Variants in MACROD1 observed in about 807,000 individuals in gnomAD.
MACROD1 encodes the protein ADP-ribose glycohydrolase MACROD1.
Under a neutral mutation model 41.4 loss-of-function variants are expected in MACROD1, and 31 were observed. The ratio of observed to expected loss-of-function variants is 0.75; its 90% CI spans 0.56 to 1.01. The LOEUF (loss-of-function observed/expected upper bound fraction) is 1.01, where lower values mean the gene tolerates loss of function less well. Ranked by LOEUF, MACROD1 falls within the 50% of genes least tolerant of loss-of-function variation. MACROD1 has a pLI of 0.00. For missense variants in MACROD1, 473 were observed against 460.0 expected, an observed-to-expected ratio of 1.03 and a Z score of -0.26; for synonymous variants, 252 against 203.4, an observed-to-expected ratio of 1.24 and a Z score of -2.03.
At chr11:64,031,699 A>G (rs537900832) in intron 3 of MACROD1, among the ~76,000 whole-genome samples, 2 of 152,194 alleles carry the variant, frequency 1.3e-5, no homozygotes, top group Non-Finnish European at 2.9e-5. Flanking sequence ...GCTGGTCACG[A>G]ATGGCTGACC....
At chr11:64,091,692 G>A (rs1202443723) in intron 3 of MACROD1, among the ~76,000 whole-genome samples, 1 of 152,324 alleles carries the variant, frequency 6.6e-6, no homozygotes, top group African/African-American at 2.4e-5. Flanking sequence ...CACAGCTGCT[G>A]AAGTTGCACG....
intron 3 of MACROD1, among the ~76,000 whole-genome samples, chr11:64,017,973 A>G (rs1024817329): frequency 1.3e-5 from 2 of 152,066 alleles, no homozygotes; most frequent in East Asian, 3.9e-4. Context: ...GGCGCCCCCA[A>G]ACTCCACTGT....
At chr11:64,156,791 A>C (rs1945675312) in intron 1 of MACROD1, among the ~76,000 whole-genome samples, 1 of 152,172 alleles carries the variant, frequency 6.6e-6, no homozygotes, top group Non-Finnish European at 1.5e-5. Context: ...GCCGACCTTG[A>C]GGACATCTGT....
chr11:64,123,434 A>G (rs1393853173), intron 3 of MACROD1, among the ~76,000 whole-genome samples: 6 of 151,884 alleles, frequency 4.0e-5, no homozygotes. Flanking sequence ...AGGAGAGATT[A>G]AACTCCTTGG....
intron 3 of MACROD1, among the ~76,000 whole-genome samples, chr11:64,061,067 C>A (rs1464690867): frequency 1.3e-5 from 2 of 152,092 alleles, no homozygotes; most frequent in Admixed American, 1.3e-4. Flanking sequence ...GCTTGGCGTC[C>A]CCCCCACTCC....
chr11:64,097,991 G>A (rs937721303), intron 3 of MACROD1, among the ~76,000 whole-genome samples: 1 of 152,098 alleles, frequency 6.6e-6, no homozygotes, highest in East Asian at 1.9e-4. Flanking sequence ...AAAACCTGGG[G>A]GCCTCCCAAG....
chr11:64,148,842 G>C, intron 3 of MACROD1: 1 of 985,640 alleles, frequency 1.0e-6, no homozygotes, highest in Non-Finnish European at 1.2e-6. Flanking sequence ...ACAGGGGCTG[G>C]GGTGGGAGCC....
intron 3 of MACROD1, among the ~76,000 whole-genome samples, chr11:64,030,998 A>G (rs1277472177): frequency 6.6e-6 from 1 of 151,874 alleles, no homozygotes; most frequent in African/African-American, 2.4e-5. Flanking sequence ...TTAGGACTGG[A>G]GAGGCGGAAG....
intron 3 of MACROD1, among the ~76,000 whole-genome samples, chr11:64,066,419 C>T (rs548053567): frequency 3.5e-4 from 53 of 151,898 alleles, no homozygotes; most frequent in African/African-American, 1.1e-3. Context: ...TTCAGACCAG[C>T]CTGGGCAACA....
chr11:64,077,809 C>T (rs1020405109), intron 3 of MACROD1, among the ~76,000 whole-genome samples: 3 of 152,342 alleles, frequency 2.0e-5, no homozygotes, highest in East Asian at 3.9e-4. Context: ...GGCCGCCGCT[C>T]GGACATTTGG....
At chr11:64,159,321 A>G (rs1214135193) in intron 1 of MACROD1, among the ~76,000 whole-genome samples, 14 of 1,094 alleles carry the variant, frequency 0.013, no homozygotes, top group African/African-American at 0.014. Flanking sequence ...TCCGTCTCAG[A>G]AAAAAAAAAA....
chr11:64,140,290 C>T (rs1280284320), intron 3 of MACROD1, among the ~76,000 whole-genome samples: 1 of 152,254 alleles, frequency 6.6e-6, no homozygotes, highest in East Asian at 1.9e-4. Context: ...GCAGAGCAGG[C>T]ATGGACCGCC....
chr11:64,074,878 GC>G (rs953330684), intron 3 of MACROD1, among the ~76,000 whole-genome samples: 3 of 152,204 alleles, frequency 2.0e-5, no homozygotes, highest in African/African-American at 7.2e-5. Flanking sequence ...TCCTGAACAT[GC>G]CCCTTTCCAT....
intron 3 of MACROD1, among the ~76,000 whole-genome samples, chr11:64,025,740 C>T (rs544213082): frequency 2.3e-4 from 32 of 139,528 alleles, no homozygotes; most frequent in African/African-American, 7.5e-4. Flanking sequence ...TTTTTTCAGA[C>T]GGTCTCGCTC....
At chr11:64,070,357 C>T (rs928427777) in intron 3 of MACROD1, among the ~76,000 whole-genome samples, 2 of 152,128 alleles carry the variant, frequency 1.3e-5, no homozygotes, top group African/African-American at 2.4e-5. Flanking sequence ...TCCAATGATC[C>T]TCCTGGCCCT....
At chr11:64,111,495 G>A (rs1003235727) in intron 3 of MACROD1, among the ~76,000 whole-genome samples, 1 of 152,232 alleles carries the variant, frequency 6.6e-6, no homozygotes, top group Non-Finnish European at 1.5e-5. Context: ...ACCTTCACGA[G>A]CCTGGCTCAG....
chr11:64,014,416 C>T lies in MACROD1; in HGVS notation c.547+836G>A, dbSNP rs569590855. ...GCTCTTAATGCTGCTCTTATTTATT[C>T]CTGACCTTTATGCCCCTTTTATTTT... is the stretch of plus-strand genomic sequence containing the variant. On this transcript the variant is annotated intron_variant, in intron 4 of 10. Transcript: ENST00000255681. Among the ~76,000 whole-genome samples, 6 of 152,378 alleles carry T rather than the reference C, an allele frequency of 3.9e-5. No individual in the cohort carries two copies. The East Asian group carries it at 7.7e-4, about 20-fold the overall frequency.
chr11:64,014,145 G>C (rs1943050009), intron 4 of MACROD1, among the ~76,000 whole-genome samples: 1 of 152,084 alleles, frequency 6.6e-6, no homozygotes, highest in Non-Finnish European at 1.5e-5. Context: ...AACGGAGGAA[G>C]GGCAGGGTGC....
rs564321799 is a variant in MACROD1 at position 63,998,844 on chromosome 11, C to T, written c.*24G>A. The T allele has an allele frequency of 1.1e-5, 17 of 1,581,890 alleles. No individual in the cohort carries two copies. In the East Asian group the frequency reaches 2.3e-4, roughly 21 times the overall value. On this transcript the variant is annotated 3_prime_UTR_variant, in exon 10 of 11. Coordinates refer to ENST00000255681, the MANE Select transcript of MACROD1 (RefSeq NM_014067.4). ...GGGGCGAGGCCCTGCTTACCAGTCC[C>T]GGTCAGGGTGGGCTGCGGGAGCCTC...
Sources: allele counts gnomAD v4.1 joint callset (sites outside exome capture counted in the v4.1 genomes callset), GRCh38; gene constraint gnomAD v4.1.1; transcripts MANE v1.5; gene names NCBI Gene and HGNC (gene_info 2026-07-23, HGNC 2026-07-21).